PRIM2: variants seen among roughly 807,000 people sequenced by gnomAD.
PRIM2 encodes DNA primase large subunit.
PRIM2 carries 39 observed loss-of-function variants against 67.3 expected under a neutral mutation model. The observed-to-expected ratio is 0.58, with a 90% CI of 0.45 to 0.76. PRIM2 has a LOEUF of 0.76. Among genes scored for constraint, PRIM2 ranks in the 30% least tolerant of loss-of-function variants. The probability of loss-of-function intolerance (pLI) is 0.00; values close to 1 mark genes in which losing one functional copy is unlikely to be tolerated. For missense variants in PRIM2, 398 were observed against 598.7 expected, an observed-to-expected ratio of 0.66 and a Z score of 3.50; for synonymous variants, 143 against 198.7, an observed-to-expected ratio of 0.72 and a Z score of 2.36.
At chr6:57,531,390 A>T (rs1259839109) in intron 8 of PRIM2, among the ~76,000 whole-genome samples, 20 of 152,212 alleles carry the variant, frequency 1.3e-4, no homozygotes, top group African/African-American at 4.8e-4. Flanking sequence ...ATTCTTTATG[A>T]TCATAATGAC....
At chr6:57,225,707 A>G in the PRIM2 span, among the ~76,000 whole-genome samples, 2 of 152,220 alleles carry the variant, frequency 1.3e-5, no homozygotes, top group Admixed American at 1.3e-4. Flanking sequence ...TCCAAGGATC[A>G]TGAATTGTAG....
chr6:57,242,117 C>T, the PRIM2 span, among the ~76,000 whole-genome samples: 2 of 152,204 alleles, frequency 1.3e-5, no homozygotes, highest in Admixed American at 6.5e-5. Context: ...CAGTTAGTTT[C>T]GTACAATGTT....
At chr6:57,354,746 G>T (rs1768971054) in intron 5 of PRIM2, among the ~76,000 whole-genome samples, 1 of 152,180 alleles carries the variant, frequency 6.6e-6, no homozygotes, top group African/African-American at 2.4e-5. Flanking sequence ...CCAGTGTAAC[G>T]CAGGGCAAGA....
intron 7 of PRIM2, among the ~76,000 whole-genome samples, chr6:57,442,220 T>G (rs1416145749): frequency 6.6e-6 from 1 of 152,180 alleles, no homozygotes; most frequent in Non-Finnish European, 1.5e-5. Flanking sequence ...CTTGATTGAA[T>G]TCATGTCTTA....
intron 9 of PRIM2, among the ~76,000 whole-genome samples, chr6:57,536,177 G>A (rs1403552976): frequency 1.3e-5 from 2 of 152,208 alleles, no homozygotes; most frequent in Non-Finnish European, 2.9e-5. Context: ...GAGCAGCAAA[G>A]TCAAGCAAAG....
intron 5 of PRIM2, among the ~76,000 whole-genome samples, chr6:57,378,992 ATTTAC>A (rs138898887): frequency 0.081 from 10,634 of 131,964 alleles, 414 homozygotes; most frequent in South Asian, 0.12. Context: ...TTGTCCTGTT[ATTTAC>A]TTGTGATTAA....
At chr6:57,355,497 C>G (rs1424212252) in intron 5 of PRIM2, among the ~76,000 whole-genome samples, 1 of 152,090 alleles carries the variant, frequency 6.6e-6, no homozygotes, top group East Asian at 1.9e-4. Context: ...AATAACTGAA[C>G]AAGAATTTGG....
intron 8 of PRIM2, among the ~76,000 whole-genome samples, chr6:57,531,997 C>T (rs1456305570): frequency 5.9e-5 from 9 of 152,054 alleles, no homozygotes; most frequent in South Asian, 4.1e-4. Flanking sequence ...CAATAAGGCA[C>T]CTGGCATACA....
chr6:57,425,383 A>G (rs1771589167), intron 7 of PRIM2, among the ~76,000 whole-genome samples: 1 of 151,904 alleles, frequency 6.6e-6, no homozygotes, highest in Non-Finnish European at 1.5e-5. Context: ...CACCCAGCTA[A>G]TTTTTGTATT....
intron 7 of PRIM2, among the ~76,000 whole-genome samples, chr6:57,398,701 G>A (rs565224656): frequency 2.0e-5 from 3 of 152,266 alleles, no homozygotes; most frequent in East Asian, 1.9e-4. Context: ...AAATATCTTC[G>A]TTAATTTTCT....
the PRIM2 span, among the ~76,000 whole-genome samples, chr6:57,277,189 A>G: frequency 6.6e-6 from 1 of 152,128 alleles, no homozygotes; most frequent in Non-Finnish European, 1.5e-5. Context: ...ATCAGATGAC[A>G]TGGGATGGGA....
At chr6:57,312,418 CT>C (rs1767407353), upstream of PRIM2, among the ~76,000 whole-genome samples, 1 of 151,956 alleles carries the variant, frequency 6.6e-6, no homozygotes, top group Non-Finnish European at 1.5e-5. Flanking sequence ...GGGAGGATCG[CT>C]TGAGTCCAGG....
At chr6:57,504,675 C>T (rs1774217025) in intron 7 of PRIM2, among the ~76,000 whole-genome samples, 1 of 151,822 alleles carries the variant, frequency 6.6e-6, no homozygotes, top group South Asian at 2.1e-4. Context: ...ATTTATGTGT[C>T]CGGTACATTG....
intron 8 of PRIM2, among the ~76,000 whole-genome samples, chr6:57,509,118 T>C (rs1774307520): frequency 6.6e-6 from 1 of 151,526 alleles, no homozygotes; most frequent in Admixed American, 6.6e-5. Context: ...CTCTCCACTT[T>C]CCTTGCCTTT....
chr6:57,508,425 T>C (rs1774294760), intron 8 of PRIM2, among the ~76,000 whole-genome samples: 2 of 152,224 alleles, frequency 1.3e-5, no homozygotes, highest in African/African-American at 2.4e-5. Flanking sequence ...ATAGCATATT[T>C]ATCTCCCTTT....
intron 5 of PRIM2, among the ~76,000 whole-genome samples, chr6:57,331,955 G>C (rs769433818): frequency 6.6e-6 from 1 of 151,126 alleles, no homozygotes; most frequent in Non-Finnish European, 1.5e-5. Context: ...GGTTTGGTTT[G>C]CTCTTTTCTT....
chr6:57,468,113 C>G (rs1773248801), intron 7 of PRIM2, among the ~76,000 whole-genome samples: 1 of 152,072 alleles, frequency 6.6e-6, no homozygotes, highest in Non-Finnish European at 1.5e-5. Context: ...ATTTGAATAC[C>G]CTTTATTTCT....
At chr6:57,443,264 C>A (rs1480286387) in intron 7 of PRIM2, among the ~76,000 whole-genome samples, 1 of 152,102 alleles carries the variant, frequency 6.6e-6, no homozygotes, top group Non-Finnish European at 1.5e-5. Context: ...GGGTAAGTAC[C>A]CAGAAGTAGG....
At chr6:57,343,871 T>C (rs1240853843) in intron 5 of PRIM2, among the ~76,000 whole-genome samples, 2 of 152,208 alleles carry the variant, frequency 1.3e-5, no homozygotes, top group South Asian at 4.2e-4. Context: ...TGGAATATGA[T>C]AGGATAGGTG....
Sources: gnomAD v4.1 joint callset for allele counts (sites outside exome capture counted in the v4.1 genomes callset) on GRCh38, gnomAD v4.1.1 for gene constraint, MANE v1.5 for transcripts, NCBI Gene and HGNC (gene_info 2026-07-23, HGNC 2026-07-21) for gene names.